The following WDR64 variants were observed in gnomAD, a reference collection of about 807,000 sequenced individuals.
The protein encoded by WDR64 is WD repeat domain 64.
WDR64 carries 112 observed loss-of-function variants against 139.3 expected under a neutral mutation model. That is an observed-to-expected ratio of 0.80 (90% confidence interval 0.69 to 0.94). WDR64 has a LOEUF of 0.94. Ranked by LOEUF, WDR64 falls within the 40% of genes least tolerant of loss-of-function variation. WDR64 has a pLI of 0.00. For missense variants in WDR64, 1,206 were observed against 1,293.1 expected, an observed-to-expected ratio of 0.93 and a Z score of 1.03; for synonymous variants, 444 against 437.7, an observed-to-expected ratio of 1.01 and a Z score of -0.18.
In WDR64 at chr1:241,749,768, G is replaced by A. The variant is rs760339379; in HGVS notation, c.1770+46G>A. ...CTCGTACTGCAGGTGCCCTTTTTGG[G>A]AAAATCAAATGAGTCAGTGGATAAT... On this transcript the variant is annotated intron_variant, in intron 14 of 27. Coordinates refer to ENST00000437684, the MANE Select transcript of WDR64 (RefSeq NM_001367482.1). 22 of 1,595,070 alleles carry A rather than the reference G, an allele frequency of 1.4e-5. No homozygotes were observed. In the Admixed American group the frequency reaches 2.5e-4, roughly 18 times the overall value.
At chr1:241,696,776 G>A (rs1418351248) in intron 8 of WDR64, among the ~76,000 whole-genome samples, 9 of 152,070 alleles carry the variant, frequency 5.9e-5, no homozygotes, top group Non-Finnish European at 1.0e-4. Flanking sequence ...GATTTGGCCG[G>A]CTTCTTTACT....
rs1668757934 is a variant in WDR64, at chr1:241,725,203, A to C, written c.1194+1767A>C. ...CTGGGTGGAAATAAAACTGGCAAAAACTTCCTGCGTATTTGTTCTAATAAA... is the reference window on the plus strand; with the variant it reads ...CTGGGTGGAAATAAAACTGGCAAAACCTTCCTGCGTATTTGTTCTAATAAA... On this transcript the variant is annotated intron_variant, in intron 10 of 27. Transcript: ENST00000437684. 2.0e-5 allele frequency among the ~76,000 whole-genome samples: 3 copies of C among 152,142 alleles called. No homozygotes were observed. In the South Asian group the frequency reaches 6.2e-4, roughly 32 times the overall value.
intron 2 of WDR64, among the ~76,000 whole-genome samples, chr1:241,660,884 T>G (rs1246939838): frequency 6.6e-6 from 1 of 152,154 alleles, no homozygotes. Context: ...TTAAATCCTT[T>G]CAGACCAAGC....
At chr1:241,675,817 T>C (rs7411500) in intron 4 of WDR64, among the ~76,000 whole-genome samples, 12,934 of 152,272 alleles carry the variant, frequency 0.085, 667 homozygotes, top group East Asian at 0.19. Flanking sequence ...AAACACTTTA[T>C]GAGCAATAAA....
At chr1:241,734,554 A>T (rs76956397) in intron 10 of WDR64, among the ~76,000 whole-genome samples, 5,375 of 152,234 alleles carry the variant, frequency 0.035, 321 homozygotes, top group African/African-American at 0.12. Context: ...TGTCTGTACA[A>T]TGCGAAGCCA....
At chr1:241,690,244 G>T (rs1010820591) in intron 8 of WDR64, among the ~76,000 whole-genome samples, 2 of 152,106 alleles carry the variant, frequency 1.3e-5, no homozygotes, top group Non-Finnish European at 2.9e-5. Context: ...AGGCCAAGGT[G>T]GGTGCATCAC....
intron 16 of WDR64, among the ~76,000 whole-genome samples, chr1:241,766,599 G>A (rs1264529555): frequency 6.6e-6 from 1 of 152,142 alleles, no homozygotes; most frequent in Non-Finnish European, 1.5e-5. Flanking sequence ...TAATGGAGAG[G>A]GTGAGGCATG....
intron 4 of WDR64, among the ~76,000 whole-genome samples, chr1:241,675,039 CTTCTTT>C (rs1666444149): frequency 8.8e-5 from 1 of 11,318 alleles, no homozygotes. Flanking sequence ...CTCCCTCCTT[CTTCTTT>C]CCTTCCTTTT....
intron 12 of WDR64, among the ~76,000 whole-genome samples, chr1:241,743,036 G>C (rs535139958): frequency 6.6e-6 from 1 of 152,290 alleles, no homozygotes; most frequent in South Asian, 2.1e-4. Context: ...TTCTGTGATC[G>C]TTTGCTGGAG....
intron 3 of WDR64, among the ~76,000 whole-genome samples, chr1:241,673,020 A>G (rs1178592455): frequency 1.3e-5 from 2 of 152,162 alleles, no homozygotes; most frequent in Admixed American, 6.5e-5. Context: ...AGTCTGTACT[A>G]GTTCATGTCC....
chr1:241,738,761 T>G (rs1255800022), intron 11 of WDR64, among the ~76,000 whole-genome samples: 6 of 152,170 alleles, frequency 3.9e-5, no homozygotes, highest in Non-Finnish European at 7.3e-5. Context: ...TCTATTTGAG[T>G]AATTCTATAG....
At chr1:241,780,953 A>G (rs1326053757) in intron 22 of WDR64, among the ~76,000 whole-genome samples, 1 of 152,176 alleles carries the variant, frequency 6.6e-6, no homozygotes, top group Non-Finnish European at 1.5e-5. Flanking sequence ...CAACTTGAGA[A>G]ACACGAAGTT....
intron 26 of WDR64, 92 bp downstream of exon 26, chr1:241,795,379 G>A: frequency 8.6e-7 from 1 of 1,168,314 alleles, no homozygotes; most frequent in African/African-American, 1.5e-5. Flanking sequence ...CAAGGTTGGA[G>A]AAAATCATAC....
chr1:241,689,681 A>C (rs1667140252), intron 8 of WDR64, among the ~76,000 whole-genome samples: 1 of 152,238 alleles, frequency 6.6e-6, no homozygotes. Flanking sequence ...TGGGAATGTA[A>C]GACAACTACA....
At chr1:241,775,580 A>G (rs964242108) in intron 21 of WDR64, among the ~76,000 whole-genome samples, 45 of 104,800 alleles carry the variant, frequency 4.3e-4, no homozygotes, top group African/African-American at 2.0e-3. Context: ...AAATTAGAGA[A>G]AAAAAATGAA....
In WDR64 at chr1:241,652,567, T is replaced by C; in HGVS notation, c.83T>C (p.Leu28Ser). The C allele has an allele frequency of 1.3e-6, 2 of 1,552,002 alleles. No homozygotes were observed. Among genetic ancestry groups the C allele is most frequent in the Non-Finnish European group, 1.7e-6 (2 of 1,147,044 alleles). The change falls in exon 1 of 28, where the codon TTG becomes TCG. Residue 28 changes from leucine to serine, a missense_variant. By Grantham distance (145) the Leu-to-Ser change is moderately radical (BLOSUM62 -2). Transcript: ENST00000437684. ...FKKALNRFEK[L>S]VEQTAAQKRD... Reference sequence around the variant, plus strand: ...AAGGCTTTGAACAGGTTTGAAAAATTGGTTGAACAAACAGCAGCCCAGAAA... The same window carrying C: ...AAGGCTTTGAACAGGTTTGAAAAATCGGTTGAACAAACAGCAGCCCAGAAA...
At chr1:241,681,331 C>A (rs997223754) in intron 6 of WDR64, among the ~76,000 whole-genome samples, 1 of 152,136 alleles carries the variant, frequency 6.6e-6, no homozygotes, top group Non-Finnish European at 1.5e-5. Flanking sequence ...CCTTTGCATC[C>A]TCAAAGCTTA....
intron 8 of WDR64, among the ~76,000 whole-genome samples, chr1:241,689,843 C>A (rs570446585): frequency 1.3e-5 from 2 of 151,758 alleles, no homozygotes; most frequent in Non-Finnish European, 2.9e-5. Context: ...CATTAGTATA[C>A]CGGACGTAGC....
intron 2 of WDR64, among the ~76,000 whole-genome samples, chr1:241,662,385 C>A (rs1665864937): frequency 6.6e-6 from 1 of 152,104 alleles, no homozygotes; most frequent in African/African-American, 2.4e-5. Context: ...GAATTCAATG[C>A]CTTGCCGTTG....
Sources: allele counts gnomAD v4.1 joint callset (sites outside exome capture counted in the v4.1 genomes callset), GRCh38; gene constraint gnomAD v4.1.1; transcripts MANE v1.5; gene names NCBI Gene and HGNC (gene_info 2026-07-23, HGNC 2026-07-21).